The following RBMS1 variants were observed in gnomAD, a reference collection of about 807,000 sequenced individuals.
RBMS1 encodes RNA binding motif single stranded interacting protein 1.
A neutral mutation model predicts 62.3 loss-of-function variants in RBMS1; 17 were observed. The observed-to-expected ratio is 0.27, with a 90% CI of 0.19 to 0.41. RBMS1 has a LOEUF of 0.41. Ranked by LOEUF, RBMS1 falls within the 10% of genes least tolerant of loss-of-function variation. The probability of loss-of-function intolerance (pLI) is 1.00; values close to 1 mark genes in which losing one functional copy is unlikely to be tolerated. For synonymous variants in RBMS1, 172 were observed against 170.0 expected, an observed-to-expected ratio of 1.01 and a Z score of -0.09; for missense variants, 334 against 504.5, an observed-to-expected ratio of 0.66 and a Z score of 3.24.
chr2:160,324,391 G>A (rs1228006078), intron 2 of RBMS1, among the ~76,000 whole-genome samples: 2 of 152,148 alleles, frequency 1.3e-5, no homozygotes, highest in Non-Finnish European at 2.9e-5. Flanking sequence ...GACAATGGTT[G>A]TTAAGTTATT....
chr2:160,409,624 GCTCAGACCTGTCGTCTGTGCAT>G, intron 1 of RBMS1, among the ~76,000 whole-genome samples: 1 of 152,294 alleles, frequency 6.6e-6, no homozygotes, highest in South Asian at 2.1e-4. Context: ...CACCCCAGCA[GCTCAGACCTGTCGTCTGTGCAT>G]CTATGGAAAA....
At chr2:160,383,493 A>G (rs1186051770) in intron 1 of RBMS1, among the ~76,000 whole-genome samples, 1 of 151,716 alleles carries the variant, frequency 6.6e-6, no homozygotes, top group African/African-American at 2.4e-5. Flanking sequence ...GCTTTCTCTA[A>G]AGGACTATTT....
rs75726858 is a variant in RBMS1, at chr2:160,485,740, A to G, written c.75+7549T>C. On this transcript the variant is annotated intron_variant, in intron 1 of 13. Transcript: ENST00000348849. ...TTCTTTCTGTGTTTATTGTTTTTTA[A>G]ATAGAAGTATACAAATGATCATATG... is the stretch of plus-strand genomic sequence containing the variant. Among the ~76,000 whole-genome samples the G allele has an allele frequency of 5.6e-3, 844 of 151,938 alleles. 10 individuals are homozygous for G. Among genetic ancestry groups the G allele is most frequent in the African/African-American group, 0.02 (814 of 41,390 alleles).
chr2:160,462,376 T>A (rs1329645063), intron 1 of RBMS1, among the ~76,000 whole-genome samples: 1 of 152,068 alleles, frequency 6.6e-6, no homozygotes, highest in Non-Finnish European at 1.5e-5. Context: ...AATGTTAACA[T>A]ATGACACCAG....
At chr2:160,354,120 T>C (rs1004970849) in intron 2 of RBMS1, among the ~76,000 whole-genome samples, 2 of 152,086 alleles carry the variant, frequency 1.3e-5, no homozygotes, top group African/African-American at 2.4e-5. Flanking sequence ...GGACCTGACA[T>C]GTAAATTTTG....
intron 1 of RBMS1, among the ~76,000 whole-genome samples, chr2:160,462,050 T>C (rs1416747426): frequency 6.6e-6 from 1 of 150,380 alleles, no homozygotes. Flanking sequence ...GCACAAGAGT[T>C]ATTACTATTG....
At chr2:160,374,751 G>A (rs1693904798) in intron 1 of RBMS1, among the ~76,000 whole-genome samples, 1 of 152,124 alleles carries the variant, frequency 6.6e-6, no homozygotes, top group Non-Finnish European at 1.5e-5. Context: ...CCAATATGGT[G>A]AAACCCTGTC....
At chr2:160,462,653 G>A (rs1684515208) in intron 1 of RBMS1, among the ~76,000 whole-genome samples, 1 of 152,076 alleles carries the variant, frequency 6.6e-6, no homozygotes, top group Non-Finnish European at 1.5e-5. Context: ...TTGTCACCCA[G>A]GCAGGAGTGC....
intron 1 of RBMS1, among the ~76,000 whole-genome samples, chr2:160,456,963 C>A (rs768521732): frequency 6.8e-6 from 1 of 147,368 alleles, no homozygotes; most frequent in South Asian, 2.2e-4. Flanking sequence ...CAACAAAAAA[C>A]CTGGCACTTC....
chr2:160,395,937 G>C (rs1008587361), intron 1 of RBMS1, among the ~76,000 whole-genome samples: 1 of 152,096 alleles, frequency 6.6e-6, no homozygotes, highest in Non-Finnish European at 1.5e-5. Flanking sequence ...AAACTGACCT[G>C]TTAGGAGACA....
At position 160,493,387 on chromosome 2, in the gene RBMS1, G is replaced by A; in HGVS notation, c.-24C>T. The A allele has an allele frequency of 6.2e-7, 1 of 1,610,474 alleles. No homozygotes were observed. The highest frequency in any genetic ancestry group is 8.5e-7 in the Non-Finnish European group (1 of 1,177,076). ...ATGAAGCTGGAAGGGAGCCTGCCGT[G>A]CAGGGTCGCGGACACTTTGGGGTTT... is the stretch of plus-strand genomic sequence containing the variant. On this transcript the variant is annotated 5_prime_UTR_variant, in exon 1 of 14. Coordinates refer to ENST00000348849, the MANE Select transcript of RBMS1 (RefSeq NM_016836.4).
chr2:160,301,898 T>C (rs1689228455), intron 5 of RBMS1, among the ~76,000 whole-genome samples: 1 of 152,254 alleles, frequency 6.6e-6, no homozygotes, highest in Non-Finnish European at 1.5e-5. Flanking sequence ...TTGTCATTTG[T>C]GTATAAAAGC....
chr2:160,374,716 G>A (rs888528723), intron 1 of RBMS1, among the ~76,000 whole-genome samples: 2 of 152,170 alleles, frequency 1.3e-5, no homozygotes, highest in Non-Finnish European at 2.9e-5. Flanking sequence ...GATCACCTGA[G>A]GTCGGGAGTT....
At chr2:160,312,737 T>G (rs528927039) in intron 4 of RBMS1, among the ~76,000 whole-genome samples, 1 of 152,002 alleles carries the variant, frequency 6.6e-6, no homozygotes, top group Non-Finnish European at 1.5e-5. Context: ...ATTTTTGAAA[T>G]AGAATATGCT....
chr2:160,438,882 CG>C (rs1302111937), intron 1 of RBMS1, among the ~76,000 whole-genome samples: 7 of 151,166 alleles, frequency 4.6e-5, no homozygotes, highest in African/African-American at 1.7e-4. Context: ...GCTGGCCGGA[CG>C]GGGGGCTGAC....
chr2:160,407,981 CCCGCCCGCTGGGCGCGGCGCCTG>C (rs989211284), intron 1 of RBMS1: 17 of 936,560 alleles, frequency 1.8e-5, no homozygotes, highest in Non-Finnish European at 2.2e-5. Context: ...CGCCTCCCCG[CCCGCCCGCTGGGCGCGGCGCCTG>C]CCGCCCCATC....
rs60063508 is a variant in RBMS1 at position 160,476,165 on chromosome 2, C to A, written c.75+17124G>T. On this transcript the variant is annotated intron_variant, in intron 1 of 13. Transcript: ENST00000348849. Reference sequence around the variant, plus strand: ...GAGCCACCACACCTGTCCACCGCCTCCCTTTTCTATACACATTATATTCAT... The same window carrying A: ...GAGCCACCACACCTGTCCACCGCCTACCTTTTCTATACACATTATATTCAT... Among the ~76,000 whole-genome samples the A allele has an allele frequency of 7.1e-3, 1,075 of 152,166 alleles. 13 individuals are homozygous for A. The highest frequency in any genetic ancestry group is 0.025 in the African/African-American group (1,028 of 41,522).
At chr2:160,322,610 C>G (rs922805910) in intron 2 of RBMS1, among the ~76,000 whole-genome samples, 1 of 152,224 alleles carries the variant, frequency 6.6e-6, no homozygotes, top group African/African-American at 2.4e-5. Flanking sequence ...TACTGGCCTT[C>G]TGCAAACAAG....
At chr2:160,469,991 G>A (rs1415886242) in intron 1 of RBMS1, among the ~76,000 whole-genome samples, 2 of 152,286 alleles carry the variant, frequency 1.3e-5, no homozygotes, top group East Asian at 1.9e-4. Flanking sequence ...GGATTTCATT[G>A]AGTATGGTAC....
Sources: gnomAD v4.1 joint callset for allele counts (sites outside exome capture counted in the v4.1 genomes callset) on GRCh38, gnomAD v4.1.1 for gene constraint, MANE v1.5 for transcripts, NCBI Gene and HGNC (gene_info 2026-07-23, HGNC 2026-07-21) for gene names.